KDM4C: variants seen among roughly 807,000 people sequenced by gnomAD.
KDM4C encodes the protein lysine-specific demethylase 4C.
A neutral mutation model predicts 129.3 loss-of-function variants in KDM4C; 81 were observed. That is an observed-to-expected ratio of 0.63 (90% confidence interval 0.52 to 0.75). The LOEUF (loss-of-function observed/expected upper bound fraction) is 0.75. Ranked by LOEUF, KDM4C falls within the 30% of genes least tolerant of loss-of-function variation. KDM4C has a pLI of 0.00. For missense variants in KDM4C, 1,457 were observed against 1,304.0 expected, an observed-to-expected ratio of 1.12 and a Z score of -1.81; for synonymous variants, 573 against 456.1, an observed-to-expected ratio of 1.26 and a Z score of -3.26.
chr9:6,970,044 G>T (rs1464225285), intron 8 of KDM4C, among the ~76,000 whole-genome samples: 1 of 152,218 alleles, frequency 6.6e-6, no homozygotes, highest in Non-Finnish European at 1.5e-5. Context: ...TGCCATTGGG[G>T]TGGAATGTTT....
intron 17 of KDM4C, among the ~76,000 whole-genome samples, chr9:7,058,049 A>G (rs1831108040): frequency 6.6e-6 from 1 of 152,132 alleles, no homozygotes; most frequent in South Asian, 2.1e-4. Context: ...TTACCAGGAT[A>G]CCCTCTCATC....
At chr9:6,828,599 G>GGTGGCTGACGCCTGTAATCCCAGTACTTT (rs1564106635) in intron 4 of KDM4C, among the ~76,000 whole-genome samples, 1 of 151,836 alleles carries the variant, frequency 6.6e-6, no homozygotes, top group African/African-American at 2.4e-5. Flanking sequence ...GGCCAGGTGC[G>GGTGGCTGACGCCTGTAATCCCAGTACTTT]GTGGCTCACG....
intron 19 of KDM4C, among the ~76,000 whole-genome samples, chr9:7,147,195 G>A (rs1389047928): frequency 6.6e-6 from 1 of 152,120 alleles, no homozygotes; most frequent in African/African-American, 2.4e-5. Context: ...CACAGTAATG[G>A]GTTTTCTTTG....
intron 8 of KDM4C, among the ~76,000 whole-genome samples, chr9:6,934,311 C>T (rs919516373): frequency 6.6e-6 from 1 of 151,008 alleles, no homozygotes; most frequent in African/African-American, 2.4e-5. Flanking sequence ...GAAAACCTGT[C>T]TCCACTAAAA....
At position 6,769,684 on chromosome 9, in the gene KDM4C, A is replaced by G. The variant is rs977702840; in HGVS notation, c.-18+11481A>G. On this transcript the variant is annotated intron_variant, in intron 1 of 21. Coordinates refer to ENST00000381309, the MANE Select transcript of KDM4C (RefSeq NM_015061.6). ...TACTCAAAGAGTTGTCAATGAGGAT[A>G]GATCTCAATATCATGCTACTGAAGG... Among the ~76,000 whole-genome samples the G allele has an allele frequency of 6.7e-4, 102 of 152,226 alleles. 6 individuals carry two copies. The highest frequency in any genetic ancestry group is 2.4e-5 in the African/African-American group (1 of 41,464).
At chr9:7,001,548 TC>T (rs1820720949) in intron 12 of KDM4C, among the ~76,000 whole-genome samples, 1 of 152,202 alleles carries the variant, frequency 6.6e-6, no homozygotes, top group Non-Finnish European at 1.5e-5. Flanking sequence ...TCTCCTTATT[TC>T]TGTATGCTCC....
chr9:7,036,391 G>A (rs1306248775), intron 15 of KDM4C, among the ~76,000 whole-genome samples: 1 of 152,144 alleles, frequency 6.6e-6, no homozygotes, highest in Non-Finnish European at 1.5e-5. Context: ...ATACTATTAT[G>A]TAAATGTTGT....
intron 8 of KDM4C, among the ~76,000 whole-genome samples, chr9:6,911,697 TAA>T (rs1819342279): frequency 6.6e-6 from 1 of 152,368 alleles, no homozygotes; most frequent in East Asian, 1.9e-4. Context: ...TTATTATATC[TAA>T]AAACTTAATT....
chr9:6,744,252 A>G (rs1013375445), intron 1 of KDM4C, among the ~76,000 whole-genome samples: 6 of 152,192 alleles, frequency 3.9e-5, no homozygotes, highest in Admixed American at 2.0e-4. Flanking sequence ...GCTGCCGGGC[A>G]CAGTGGCTCA....
At chr9:6,850,435 A>G (rs1405790689) in intron 5 of KDM4C, among the ~76,000 whole-genome samples, 1 of 151,494 alleles carries the variant, frequency 6.6e-6, no homozygotes, top group African/African-American at 2.4e-5. Context: ...TCCTCCTCTA[A>G]TTATTTTTAT....
chr9:6,762,523 G>C (rs1819758061), intron 1 of KDM4C, among the ~76,000 whole-genome samples: 2 of 151,712 alleles, frequency 1.3e-5, no homozygotes, highest in African/African-American at 4.8e-5. Context: ...CATAATTAAA[G>C]TCACAGTATC....
intron 19 of KDM4C, among the ~76,000 whole-genome samples, chr9:7,134,548 G>A (rs1175233436): frequency 3.9e-5 from 6 of 152,078 alleles, no homozygotes; most frequent in Non-Finnish European, 7.4e-5. Context: ...GGCATTTAAT[G>A]CCCATAACTT....
At chr9:7,022,876 A>G (rs1312366665) in intron 15 of KDM4C, among the ~76,000 whole-genome samples, 2 of 152,132 alleles carry the variant, frequency 1.3e-5, no homozygotes, top group Admixed American at 6.5e-5. Flanking sequence ...GACTTTATCA[A>G]ATGCTTTTTC....
chr9:6,977,409 C>G (rs1293558924), intron 8 of KDM4C, among the ~76,000 whole-genome samples: 1 of 152,104 alleles, frequency 6.6e-6, no homozygotes, highest in Admixed American at 6.5e-5. Context: ...CCAGTATGTT[C>G]TGAAAGTTAT....
chr9:6,855,390 C>T lies in KDM4C; in HGVS notation c.629+5690C>T, dbSNP rs555408473. Among the ~76,000 whole-genome samples the T allele has an allele frequency of 5.4e-5, 7 of 130,348 alleles. No individual in the cohort carries two copies. In the South Asian group the frequency reaches 1.3e-3, roughly 23 times the overall value. The allele number at this position is 130,348 out of a possible 152,430, so 85.5% of individuals were successfully genotyped here. ...AGGAGAATCACTTGAACCCAGGAGG[C>T]AGAGGTTGTGGTGAGCCGAGATTGC... On this transcript the variant is annotated intron_variant, in intron 5 of 21. Transcript: ENST00000381309.
In KDM4C at chr9:7,002,849, C is replaced by T. The variant is rs192404031; in HGVS notation, c.1787-8849C>T. Among the ~76,000 whole-genome samples the T allele has an allele frequency of 3.2e-3, 489 of 152,266 alleles. 2 individuals are homozygous for T. Among genetic ancestry groups the T allele is most frequent in the Non-Finnish European group, 5.5e-3 (371 of 68,016 alleles). On this transcript the variant is annotated intron_variant, in intron 12 of 21. Transcript: ENST00000381309. ...GGCTTTAAATACTGTCTGTTCAATT[C>T]CAAAGTTTACACTCTACACTCTTGT...
At chr9:7,073,886 G>T (rs540466708) in intron 17 of KDM4C, among the ~76,000 whole-genome samples, 2 of 152,242 alleles carry the variant, frequency 1.3e-5, no homozygotes, top group South Asian at 4.1e-4. Context: ...GCAGAGAGAC[G>T]CATACATCTA....
intron 8 of KDM4C, among the ~76,000 whole-genome samples, chr9:6,904,609 C>G (rs1817974664): frequency 6.6e-6 from 1 of 152,102 alleles, no homozygotes; most frequent in Non-Finnish European, 1.5e-5. Flanking sequence ...TGGGCTGTGT[C>G]CACACCTGTC....
At chr9:7,048,980 T>C in intron 16 of KDM4C, 112 bp from the exon 17 acceptor site, 1 of 679,602 alleles carries the variant, frequency 1.5e-6, no homozygotes, top group South Asian at 1.7e-5. Flanking sequence ...ATTTAGGCTT[T>C]TGGCTTTCTT....
Sources: allele counts gnomAD v4.1 joint callset (sites outside exome capture counted in the v4.1 genomes callset), GRCh38; gene constraint gnomAD v4.1.1; transcripts MANE v1.5; gene names NCBI Gene and HGNC (gene_info 2026-07-23, HGNC 2026-07-21).